RDH12: variants seen among roughly 807,000 people sequenced by gnomAD.
RDH12 encodes the protein retinol dehydrogenase 12.
A neutral mutation model predicts 34.0 loss-of-function variants in RDH12; 21 were observed. The observed-to-expected ratio is 0.62, with a 90% CI of 0.44 to 0.89. The LOEUF is 0.89. Among genes scored for constraint, RDH12 ranks in the 40% least tolerant of loss-of-function variants. RDH12 has a pLI of 0.00. For missense variants in RDH12, 394 were observed against 398.6 expected, an observed-to-expected ratio of 0.99 and a Z score of 0.10; for synonymous variants, 198 against 169.9, an observed-to-expected ratio of 1.17 and a Z score of -1.29.
chr14:67,725,424 G>C (rs2038174058), intron 5 of RDH12, among the ~76,000 whole-genome samples, 170 bp downstream of exon 5: 1 of 152,248 alleles, frequency 6.6e-6, no homozygotes, highest in African/African-American at 2.4e-5. Context: ...TGGGTAGATA[G>C]ACTGGGCAGG....
intron 8 of RDH12, 118 bp from the exon 9 acceptor site, chr14:67,733,628 T>C (rs2038313827): frequency 5.8e-6 from 4 of 694,200 alleles, no homozygotes; most frequent in Non-Finnish European, 1.0e-5. Flanking sequence ...ATTAGTTTCT[T>C]TGAGTCTGGC....
intron 1 of RDH12, among the ~76,000 whole-genome samples, chr14:67,717,369 G>T (rs1309449507): frequency 6.6e-6 from 1 of 152,204 alleles, no homozygotes; most frequent in Non-Finnish European, 1.5e-5. Context: ...ACAGAATTAA[G>T]CTGGGAGAAG....
intron 3 of RDH12, among the ~76,000 whole-genome samples, chr14:67,723,609 T>A (rs1023179206): frequency 1.3e-5 from 2 of 152,200 alleles, no homozygotes; most frequent in African/African-American, 2.4e-5. Flanking sequence ...TCCATAGAGA[T>A]CTGGGTTCAA....
chr14:67,729,426 A>C (rs1477493262), intron 8 of RDH12, 46 bp downstream of exon 8: 10 of 1,563,618 alleles, frequency 6.4e-6, no homozygotes, highest in Non-Finnish European at 8.7e-6. Flanking sequence ...TGTGCATGGG[A>C]GGTGCCGGAC....
At position 67,733,666 on chromosome 14, in the gene RDH12, C is replaced by A. The variant is rs61991869; in HGVS notation, c.849-80C>A. 96,708 of 910,848 alleles carry A rather than the reference C, an allele frequency of 0.11. 6,231 individuals carry two copies. The highest frequency in any genetic ancestry group is 0.13 in the Non-Finnish European group (72,461 of 551,928). 56.4% of individuals were successfully genotyped at this position (910,848 alleles called of 1,614,324 possible). On this transcript the variant is annotated intron_variant, in intron 8 of 8. Transcript: ENST00000551171. ...ATATTGTATTTTATTCATTTAGAAA[C>A]ATTCTGAGAAAGGGACCATAAAGAT...
Position 67,729,441 on chromosome 14 carries a change from T to C in RDH12, c.848+61T>C. On this transcript the variant is annotated intron_variant, in intron 8 of 8. Transcript: ENST00000551171. ...TGTGCATGGGAGGTGCCGGACTCGC[T>C]GGGCTGTTCATCCTGAGAAGCTGAG... The C allele has an allele frequency of 4.6e-6, 7 of 1,524,022 alleles. No individual in the cohort carries two copies. In the South Asian group the frequency reaches 5.6e-5, roughly 12 times the overall value. 94.4% of individuals were successfully genotyped at this position (1,524,022 alleles called of 1,614,324 possible).
intron 1 of RDH12, chr14:67,714,741 G>A (rs1430030417): frequency 6.6e-6 from 1 of 152,230 alleles, no homozygotes; most frequent in African/African-American, 2.4e-5. Flanking sequence ...TGGGATATAA[G>A]TTGAAAAGAG....
rs377089239 is a variant in RDH12, at chr14:67,707,341, A to G, written c.-275+5406A>G. 3.2e-4 allele frequency among the ~76,000 whole-genome samples: 48 copies of G among 152,320 alleles called. 1 individual carries two copies. The highest frequency in any genetic ancestry group is 1.1e-3 in the African/African-American group (45 of 41,574). On this transcript the variant is annotated intron_variant, in intron 1 of 8. Coordinates refer to ENST00000551171, the MANE Select transcript of RDH12 (RefSeq NM_152443.3). ...TTTTGAAACAATCTTTTCTCTCTCC[A>G]GTTTCCCATTTTTACTAAAGACAAA...
chr14:67,718,897 G>A (rs1375529849), intron 1 of RDH12, among the ~76,000 whole-genome samples: 1 of 152,194 alleles, frequency 6.6e-6, no homozygotes, highest in East Asian at 1.9e-4. Context: ...ATTTAACAAA[G>A]ATAAACATGT....
chr14:67,715,138 A>T (rs75634640), intron 1 of RDH12: 1,811 of 151,334 alleles, frequency 0.012, 48 homozygotes, highest in African/African-American at 0.041. Context: ...TGTGAAGCTC[A>T]CTTTGTGAGA....
At position 67,722,520 on chromosome 14, in the gene RDH12, C is replaced by A; in HGVS notation, c.-123C>A. 1 of 827,318 alleles carries A rather than the reference C, an allele frequency of 1.2e-6. No homozygotes were observed. Among genetic ancestry groups the A allele is most frequent in the Non-Finnish European group, 2.2e-6 (1 of 463,376 alleles). 51.2% of individuals were successfully genotyped at this position (827,318 alleles called of 1,614,324 possible). A position where few individuals can be genotyped will look rare whatever the true frequency, so the allele number is the denominator to read the frequency against. ...TCAGGCTGCTGCTCAGCACCCAGGA[C>A]GGAGAGGAGCAGAGAAGCAGCAGAA... On this transcript the variant is annotated 5_prime_UTR_variant, in exon 3 of 9. Transcript: ENST00000551171.
intron 8 of RDH12, among the ~76,000 whole-genome samples, chr14:67,733,127 T>C (rs568568902): frequency 6.4e-5 from 7 of 109,262 alleles, no homozygotes; most frequent in African/African-American, 1.4e-4. Flanking sequence ...ATAATAATAA[T>C]AAAATTAAAA....
At chr14:67,715,881 T>A (rs2038062967) in intron 1 of RDH12, among the ~76,000 whole-genome samples, 1 of 152,168 alleles carries the variant, frequency 6.6e-6, no homozygotes, top group Non-Finnish European at 1.5e-5. Flanking sequence ...CTTATTTCTG[T>A]CCCTGAGCTG....
At chr14:67,732,933 G>C (rs113030417) in intron 8 of RDH12, among the ~76,000 whole-genome samples, 2 of 152,060 alleles carry the variant, frequency 1.3e-5, no homozygotes, top group African/African-American at 4.8e-5. Context: ...TGTTTTACAG[G>C]ACTTTTATAA....
intron 1 of RDH12, among the ~76,000 whole-genome samples, chr14:67,714,111 C>T (rs932519831): frequency 2.6e-5 from 4 of 152,072 alleles, no homozygotes; most frequent in Admixed American, 2.0e-4. Flanking sequence ...ATTGTAATTT[C>T]CTATTTACTT....
At position 67,733,929 on chromosome 14, in the gene RDH12, A is replaced by G; in HGVS notation, c.*81A>G. 1 of 1,058,130 alleles carries G rather than the reference A, an allele frequency of 9.5e-7. No homozygotes were observed. The highest frequency in any genetic ancestry group is 1.5e-6 in the Non-Finnish European group (1 of 689,406). 65.5% of individuals were successfully genotyped at this position (1,058,130 alleles called of 1,614,324 possible). ...CCAAGGAGAAGGCCAACCCTAAAGG[A>G]TTGTCCTCTTGGCCAGCTGGTGCTG... On this transcript the variant is annotated 3_prime_UTR_variant, in exon 9 of 9. Transcript: ENST00000551171.
chr14:67,729,057 A>C, intron 7 of RDH12, 134 bp from the exon 8 acceptor site: 2 of 886,332 alleles, frequency 2.3e-6, no homozygotes, highest in Non-Finnish European at 3.8e-6. Flanking sequence ...CCTGGCCAGG[A>C]GTGGTACCTG....
At position 67,711,983 on chromosome 14, in the gene RDH12, G is replaced by A. The variant is rs142649787; in HGVS notation, c.-274-8865G>A. Among the ~76,000 whole-genome samples the A allele has an allele frequency of 1.2e-4, 19 of 152,138 alleles. No individual in the cohort carries two copies. The East Asian group carries it at 2.1e-3, about 17-fold the overall frequency. Reference sequence around the variant, plus strand: ...TGCCCAGGCTGAAGTGCAATGGTGCGATCTAGGCTCACTGCAACCTCCTCC... The same window carrying A: ...TGCCCAGGCTGAAGTGCAATGGTGCAATCTAGGCTCACTGCAACCTCCTCC... On this transcript the variant is annotated intron_variant, in intron 1 of 8. Transcript: ENST00000551171.
intron 1 of RDH12, among the ~76,000 whole-genome samples, chr14:67,702,397 G>GT (rs1481942229): frequency 6.6e-6 from 1 of 152,048 alleles, no homozygotes; most frequent in African/African-American, 2.4e-5. Flanking sequence ...AGGTTTAGCT[G>GT]TATTTCTTAA....
Sources: gnomAD v4.1 joint callset for allele counts (sites outside exome capture counted in the v4.1 genomes callset) on GRCh38, gnomAD v4.1.1 for gene constraint, MANE v1.5 for transcripts, NCBI Gene and HGNC (gene_info 2026-07-23, HGNC 2026-07-21) for gene names.